The following TNS1 variants were observed in gnomAD, a reference collection of about 807,000 sequenced individuals.
TNS1 encodes the protein tensin 1.
TNS1 carries 62 observed loss-of-function variants against 168.6 expected under a neutral mutation model. The ratio of observed to expected loss-of-function variants is 0.37; its 90% CI spans 0.30 to 0.45. The LOEUF (loss-of-function observed/expected upper bound fraction) is 0.45, where lower values mean the gene tolerates loss of function less well. TNS1 is among the 20% of genes least tolerant of loss of function. TNS1 has a pLI of 1.00. For synonymous variants in TNS1, 934 were observed against 933.2 expected, an observed-to-expected ratio of 1.00 and a Z score of -0.02; for missense variants, 2,240 against 2,339.4, an observed-to-expected ratio of 0.96 and a Z score of 0.88.
intron 1 of TNS1, among the ~76,000 whole-genome samples, chr2:218,022,661 G>A (rs1282785412): frequency 6.6e-6 from 1 of 151,984 alleles, no homozygotes; most frequent in East Asian, 1.9e-4. Flanking sequence ...ATGGGGGGAG[G>A]GGCAGAGGGG....
rs1163465202 is a variant in TNS1, at chr2:217,803,022, T to C, written c.*1437A>G. On this transcript the variant is annotated 3_prime_UTR_variant, in exon 33 of 33. Coordinates refer to ENST00000682258, the MANE Select transcript of TNS1 (RefSeq NM_001387777.1). The stretch of plus-strand genomic sequence containing the variant: ...TGGCCCAAGTGCAAGCCTTCTGCCC[T>C]CTGCTGCATGGGCAGCGTGGCTCAG... The C allele has an allele frequency of 1.3e-5, 2 of 152,664 alleles. No homozygotes were observed. The highest frequency in any genetic ancestry group is 2.9e-5 in the Non-Finnish European group (2 of 68,058). 9.5% of individuals were successfully genotyped at this position (152,664 alleles called of 1,614,324 possible). A position where few individuals can be genotyped will look rare whatever the true frequency, so the allele number is the denominator to read the frequency against.
At chr2:217,859,021 T>C (rs1292406816) in intron 18 of TNS1, among the ~76,000 whole-genome samples, 1 of 107,650 alleles carries the variant, frequency 9.3e-6, no homozygotes, top group East Asian at 3.1e-4. Flanking sequence ...TAGCCCAGCC[T>C]GGTCCCAGCA....
chr2:217,997,169 C>T (rs1958485429), intron 1 of TNS1, among the ~76,000 whole-genome samples: 1 of 152,046 alleles, frequency 6.6e-6, no homozygotes, highest in Non-Finnish European at 1.5e-5. Context: ...CATATCCCTA[C>T]CCGCTGTCTC....
At chr2:217,834,749 A>G (rs1422484629) in intron 21 of TNS1, among the ~76,000 whole-genome samples, 2 of 152,208 alleles carry the variant, frequency 1.3e-5, no homozygotes, top group Non-Finnish European at 2.9e-5. Flanking sequence ...AGTCACAAAG[A>G]GTCACGCTAA....
upstream of TNS1, among the ~76,000 whole-genome samples, chr2:218,014,487 C>T (rs1047525648): frequency 5.3e-5 from 8 of 152,172 alleles, no homozygotes; most frequent in African/African-American, 1.9e-4. Context: ...ATACAAGGCA[C>T]GGAACTCACA....
At chr2:217,970,882 G>A (rs1053132883) in intron 3 of TNS1, among the ~76,000 whole-genome samples, 1 of 151,750 alleles carries the variant, frequency 6.6e-6, no homozygotes, top group Non-Finnish European at 1.5e-5. Flanking sequence ...TGTGGTATGT[G>A]AATTAGTTAT....
chr2:217,882,143 C>T lies in TNS1; in HGVS notation c.1312+203G>A, dbSNP rs536269641. 1.9e-4 allele frequency: 98 copies of T among 503,670 alleles called. No homozygotes were observed. The South Asian group carries it at 2.8e-3, about 15-fold the overall frequency. 31.2% of individuals were successfully genotyped at this position (503,670 alleles called of 1,614,324 possible). A position where few individuals can be genotyped will look rare whatever the true frequency, so the allele number is the denominator to read the frequency against. ...ATCCAACCCAGTGCCTCTCTGTCTGCTTTTTTATTTTTATTATCCAGAGAT... is the reference window on the plus strand; with the variant it reads ...ATCCAACCCAGTGCCTCTCTGTCTGTTTTTTTATTTTTATTATCCAGAGAT... On this transcript the variant is annotated intron_variant, in intron 17 of 32. Coordinates refer to ENST00000682258, the MANE Select transcript of TNS1 (RefSeq NM_001387777.1).
At chr2:217,905,713 G>A (rs1470080147) in intron 6 of TNS1, among the ~76,000 whole-genome samples, 3 of 152,182 alleles carry the variant, frequency 2.0e-5, no homozygotes, top group Non-Finnish European at 4.4e-5. Context: ...CTGGGGTGTG[G>A]AGACAAGACC....
intron 3 of TNS1, among the ~76,000 whole-genome samples, chr2:217,946,969 T>TCTCTCACACA (rs1553618866): frequency 1.7e-5 from 2 of 118,812 alleles, no homozygotes; most frequent in African/African-American, 8.2e-5. Context: ...TCTCTCTCTC[T>TCTCTCACACA]CACACACACA....
chr2:217,841,956 C>T, intron 19 of TNS1: 3 of 640,620 alleles, frequency 4.7e-6, no homozygotes, highest in South Asian at 3.6e-5. Flanking sequence ...CCTTTCCTTG[C>T]CCCTTGTTGA....
chr2:218,024,421 G>T (rs1344707479), intron 1 of TNS1, among the ~76,000 whole-genome samples: 3 of 152,080 alleles, frequency 2.0e-5, no homozygotes, highest in African/African-American at 4.8e-5. Context: ...TGAGTGGCTG[G>T]GGTTGAAGAG....
intron 1 of TNS1, among the ~76,000 whole-genome samples, chr2:218,023,841 C>T (rs928038299): frequency 6.6e-6 from 1 of 152,204 alleles, no homozygotes; most frequent in Non-Finnish European, 1.5e-5. Context: ...TGTCCCCACC[C>T]TTACTCCCAA....
intron 16 of TNS1, among the ~76,000 whole-genome samples, chr2:217,884,071 C>T (rs1223951636): frequency 7.4e-6 from 1 of 135,498 alleles, no homozygotes; most frequent in Non-Finnish European, 1.5e-5. Context: ...TCTTTCTGTT[C>T]ATATCTATAG....
At chr2:217,976,086 T>C (rs918048963) in intron 3 of TNS1, among the ~76,000 whole-genome samples, 1 of 152,182 alleles carries the variant, frequency 6.6e-6, no homozygotes, top group Non-Finnish European at 1.5e-5. Flanking sequence ...CTCACATGAC[T>C]CTTCCTCCAA....
chr2:217,973,869 G>A (rs1575149988), intron 3 of TNS1, among the ~76,000 whole-genome samples: 1 of 152,188 alleles, frequency 6.6e-6, no homozygotes, highest in African/African-American at 2.4e-5. Context: ...AGTCCCAAAC[G>A]GGAAAGAACC....
At chr2:218,027,217 A>G (rs77474046) in intron 1 of TNS1, among the ~76,000 whole-genome samples, 19 of 152,146 alleles carry the variant, frequency 1.2e-4, no homozygotes, top group African/African-American at 4.3e-4. Flanking sequence ...ACCCTGAGCC[A>G]GGGATAGTTT....
chr2:217,805,543 CCACCACA>C (rs1938612778), intron 32 of TNS1, among the ~76,000 whole-genome samples: 5 of 1,148 alleles, frequency 4.4e-3, no homozygotes, highest in Middle Eastern at 0.25. Context: ...ACCACACACA[CCACCACA>C]CACCACACAC....
intron 3 of TNS1, among the ~76,000 whole-genome samples, chr2:217,975,944 T>C (rs1205958124): frequency 6.6e-6 from 1 of 152,080 alleles, no homozygotes; most frequent in African/African-American, 2.4e-5. Context: ...GGAAATCCAA[T>C]CGCGTCCCTC....
At position 217,836,032 on chromosome 2, in the gene TNS1, C is replaced by T; in HGVS notation, c.3187G>A (p.Gly1063Arg). The T allele has an allele frequency of 1.9e-6, 3 of 1,613,682 alleles. No individual in the cohort carries two copies. Among genetic ancestry groups the T allele is most frequent in the Non-Finnish European group, 1.7e-6 (2 of 1,179,672 alleles). Reference protein sequence around the residue: ...ELALTIALNPGGRPKEPHLHS... With the variant: ...ELALTIALNPRGRPKEPHLHS... ...GGACTCACCTCTTTGGGCCGCCCTC[C>T]AGGATTGAGAGCGATGGTAAGAGCC... Residue 1063 changes from glycine to arginine, a missense_variant, in exon 20 of 33, where the codon GGA becomes AGA. Physicochemically the swap from Gly to Arg is moderately radical, Grantham distance 125. Transcript: ENST00000682258.
Sources: gnomAD v4.1 joint callset for allele counts (sites outside exome capture counted in the v4.1 genomes callset) on GRCh38, gnomAD v4.1.1 for gene constraint, MANE v1.5 for transcripts, NCBI Gene and HGNC (gene_info 2026-07-23, HGNC 2026-07-21) for gene names.